The following GABBR1 variants were observed in gnomAD, a reference collection of about 807,000 sequenced individuals.
The protein encoded by GABBR1 is GABA-B receptor, R1 subunit.
In GABBR1, 35 loss-of-function variants were observed where a neutral mutation model predicts 117.7. That is an observed-to-expected ratio of 0.30 (90% CI 0.23 to 0.39). GABBR1 has a LOEUF of 0.39. Ranked by LOEUF, GABBR1 falls within the 10% of genes least tolerant of loss-of-function variation. The pLI, the probability that GABBR1 is intolerant of heterozygous loss-of-function variation, is 1.00. For missense variants in GABBR1, 709 were observed against 1,241.8 expected, an observed-to-expected ratio of 0.57 and a Z score of 6.45; for synonymous variants, 442 against 486.6, an observed-to-expected ratio of 0.91 and a Z score of 1.21.
Position 29,623,855 on chromosome 6 carries a change from T to G in GABBR1, c.792+35A>C. ...CCCTTCAGTAGAGCTCAAAAGGGAA[T>G]GACCCCATCTTCTGACCCCCATAGC... On this transcript the variant is annotated intron_variant, in intron 7 of 22. Transcript: ENST00000377034. This position sits in a 1 kb window ranked among gnomAD's most constrained non-coding sequence, Gnocchi z 6.2. 16 of 1,603,254 alleles carry G rather than the reference T, an allele frequency of 1.0e-5. No individual in the cohort carries two copies. The highest frequency in any genetic ancestry group is 1.3e-5 in the African/African-American group (1 of 74,736).
In GABBR1 at chr6:29,630,559, G is replaced by A. The variant is rs761157418; in HGVS notation, c.374C>T (p.Ala125Val). 1.2e-6 allele frequency: 2 copies of A among 1,613,090 alleles called. No homozygotes were observed. Among genetic ancestry groups the A allele is most frequent in the Non-Finnish European group, 1.7e-6 (2 of 1,180,028 alleles). ...GGGGTCACACCGGAAATCCACCCGG[G>A]CTCCGTCCAGAGCTGGGAGGTCCCC... ...TGGDLPALDG[A>V]RVDFRCDPDF... Residue 125 changes from alanine to valine, a missense_variant, in exon 4 of 23, where the codon GCC (alanine) becomes GTC (valine). Ala to Val is a moderately conservative substitution (Grantham distance 64). Around this residue, in one of 9 missense-constraint regions of GABBR1, gnomAD observed 101 missense variants for 132.3 expected, o/e 0.76. Transcript: ENST00000377034. The surrounding 1 kb of genome is among the most constrained non-coding windows in gnomAD (Gnocchi z 4.9).
chr6:29,603,565 C>A lies in GABBR1; in HGVS notation c.2864G>T (p.Arg955Leu), dbSNP rs141207827. 2 of 1,587,048 alleles carry A rather than the reference C, an allele frequency of 1.3e-6. No homozygotes were observed. The highest frequency in any genetic ancestry group is 1.7e-6 in the Non-Finnish European group (2 of 1,167,150). Residue 955 changes from arginine to leucine, a missense_variant, in exon 23 of 23, where the codon CGA (arginine) becomes CTA (leucine). By Grantham distance (102) the Arg-to-Leu change is moderately radical (BLOSUM62 -2). Transcript: ENST00000377034. ...PPDRLSCDGS[R>L]VHLLYK is the part of the protein sequence containing the mutation. ...CCCTCACTTATAAAGCAAATGCACT[C>A]GACTCCCATCACAGCTAAGCCGGTC...
In GABBR1 at chr6:29,630,469, G is replaced by A; in HGVS notation, c.464C>T (p.Pro155Leu). The change falls in exon 4 of 23, where the codon CCC (proline) becomes CTC (leucine). Residue 155 changes from proline (P) to leucine (L), a missense_variant. By Grantham distance (98) the Pro-to-Leu change is moderately conservative. Transcript: ENST00000377034. The surrounding 1 kb of genome is among the most constrained non-coding windows in gnomAD (Gnocchi z 4.9). Reference protein sequence around the residue: ...CSQGQWSTPKPHCQVNRTPHS... With the variant: ...CSQGQWSTPKLHCQVNRTPHS... Reference sequence around the variant, plus strand: ...GCTGTTCCCCTCACCCTGGCAGTGGGGCTTGGGGGTGCTCCACTGGCCCTG... The same window carrying A: ...GCTGTTCCCCTCACCCTGGCAGTGGAGCTTGGGGGTGCTCCACTGGCCCTG... 1.2e-6 allele frequency: 2 copies of A among 1,612,324 alleles called. No homozygotes were observed. The highest frequency in any genetic ancestry group is 1.7e-6 in the Non-Finnish European group (2 of 1,179,454).
chr6:29,624,107 A>C, intron 6 of GABBR1, 83 bp from the exon 7 acceptor site: 1 of 1,309,552 alleles, frequency 7.6e-7, no homozygotes, highest in Non-Finnish European at 1.0e-6. Context: ...TTCTCGAACA[A>C]ATTAGTTCCT....
Position 29,621,718 on chromosome 6 carries a change from C to G in GABBR1, c.1131+34G>C, listed in dbSNP as rs570659894. The G allele has an allele frequency of 6.3e-7, 1 of 1,595,892 alleles. No homozygotes were observed. The highest frequency in any genetic ancestry group is 8.6e-7 in the Non-Finnish European group (1 of 1,163,430). On this transcript the variant is annotated intron_variant, in intron 10 of 22. Transcript: ENST00000377034. This position sits in a 1 kb window ranked among gnomAD's most constrained non-coding sequence, Gnocchi z 5.0. ...ACAAGAAAACCAAGGGAAACTCCCA[C>G]CCAGTGCCCCTCCCTCTTCAGATCC... is the stretch of plus-strand genomic sequence containing the variant.
Position 29,621,081 on chromosome 6 carries a change from G to A in GABBR1, c.1323+20C>T. The A allele has an allele frequency of 1.2e-6, 2 of 1,605,204 alleles. No individual in the cohort carries two copies. Among genetic ancestry groups the A allele is most frequent in the Non-Finnish European group, 1.7e-6 (2 of 1,176,172 alleles). On this transcript the variant is annotated intron_variant, in intron 11 of 22. Transcript: ENST00000377034. The surrounding 1 kb of genome is among the most constrained non-coding windows in gnomAD (Gnocchi z 5.0). ...TCTCCACCCTCCCAGGTGCCAGACT[G>A]CAAGTCCCCACACTCTCACCATGTT...
chr6:29,613,608 T>C lies in GABBR1; in HGVS notation c.1324-123A>G, dbSNP rs1300221834. 27 of 1,234,504 alleles carry C rather than the reference T, an allele frequency of 2.2e-5. No individual in the cohort carries two copies. The highest frequency in any genetic ancestry group is 1.7e-4 in the South Asian group (12 of 70,382). 76.5% of individuals were successfully genotyped at this position (1,234,504 alleles called of 1,614,324 possible). On this transcript the variant is annotated intron_variant, in intron 11 of 22. Coordinates refer to ENST00000377034, the MANE Select transcript of GABBR1 (RefSeq NM_001470.4). The surrounding 1 kb of genome is among the most constrained non-coding windows in gnomAD (Gnocchi z 4.1). ...GATGGTTTGTGTTACTGTTGTCAGATTGGACACATGTACATTCAAAATCTT... is the reference window on the plus strand; with the variant it reads ...GATGGTTTGTGTTACTGTTGTCAGACTGGACACATGTACATTCAAAATCTT...
In GABBR1 at chr6:29,603,383, A is replaced by G. The variant is rs756755684; in HGVS notation, c.*160T>C. On this transcript the variant is annotated 3_prime_UTR_variant, in exon 23 of 23. Transcript: ENST00000377034. ...GTTTCCCAGAGGTATGAGAGACCCA[A>G]ATCAGCCCAGAACTCACAGGGGGAC... 1.4e-6 allele frequency: 1 copy of G among 738,060 alleles called. No individual in the cohort carries two copies. The highest frequency in any genetic ancestry group is 2.5e-6 in the Non-Finnish European group (1 of 408,124). 45.7% of individuals were successfully genotyped at this position (738,060 alleles called of 1,614,324 possible). A position where few individuals can be genotyped will look rare whatever the true frequency, so the allele number is the denominator to read the frequency against.
intron 13 of GABBR1, 26 bp downstream of exon 13, chr6:29,612,525 C>T (rs754693439): frequency 6.8e-6 from 11 of 1,608,676 alleles, no homozygotes; most frequent in East Asian, 6.7e-5. Context: ...CCCCCATGTC[C>T]GGTCCCCTCC....
chr6:29,608,569 T>A, intron 16 of GABBR1, 32 bp downstream of exon 16: 2 of 1,607,180 alleles, frequency 1.2e-6, no homozygotes, highest in Non-Finnish European at 1.7e-6. Context: ...GAGAGTCACA[T>A]CCTGTAAGGA....
At chr6:29,608,821 A>AT in intron 15 of GABBR1, 88 bp from the exon 16 acceptor site, 1 of 1,430,702 alleles carries the variant, frequency 7.0e-7, no homozygotes, top group Non-Finnish European at 9.6e-7. Context: ...ACGCAATGGC[A>AT]TGACCCTAAT....
rs28751302 is a variant in GABBR1, at chr6:29,615,609, T to TAAAA, written c.1324-2128_1324-2125dup. Among the ~76,000 whole-genome samples, 210 of 121,402 alleles carry TAAAA rather than the reference T, an allele frequency of 1.7e-3. 2 individuals carry two copies. The highest frequency in any genetic ancestry group is 4.1e-3 in the Admixed American group (47 of 11,588). 79.6% of individuals were successfully genotyped at this position (121,402 alleles called of 152,430 possible). ...GGGCGATGGAGTGAGACTCTGCCTT[T>TAAAA]AAAAAAAAAAAAAAAAAAAGGCAGC... On this transcript the variant is annotated intron_variant, in intron 11 of 22. Coordinates refer to ENST00000377034, the MANE Select transcript of GABBR1 (RefSeq NM_001470.4).
chr6:29,623,764 G>A lies in GABBR1; in HGVS notation c.792+126C>T. ...AGGCTGCCTAGCTCAGGTCTGCAGA[G>A]GACTCTGAATCTTAGTAGCAGGTCC... On this transcript the variant is annotated intron_variant, in intron 7 of 22. Coordinates refer to ENST00000377034, the MANE Select transcript of GABBR1 (RefSeq NM_001470.4). This position sits in a 1 kb window ranked among gnomAD's most constrained non-coding sequence, Gnocchi z 6.2. 1 of 1,164,412 alleles carries A rather than the reference G, an allele frequency of 8.6e-7. No homozygotes were observed. Among genetic ancestry groups the A allele is most frequent in the South Asian group, 1.6e-5 (1 of 63,262 alleles). 72.1% of individuals were successfully genotyped at this position (1,164,412 alleles called of 1,614,324 possible).
In GABBR1 at chr6:29,621,753, T is replaced by C. The variant is rs1468736908; in HGVS notation, c.1130A>G (p.Glu377Gly). 1 of 1,612,934 alleles carries C rather than the reference T, an allele frequency of 6.2e-7. No individual in the cohort carries two copies. The highest frequency in any genetic ancestry group is 1.7e-5 in the Admixed American group (1 of 60,004). ...YETEARKVFC[E>G]VYKERLFGKK... ...CTCCCTCTTCAGATCCAACTCCACC[T>C]CACAAAAAACTTTCCGGGCTTCAGT... Residue 377 changes from glutamate to glycine, a missense_variant and splice_region_variant, in exon 10 of 23, where the codon GAG (glutamate) becomes GGG (glycine). Coordinates refer to ENST00000377034, the MANE Select transcript of GABBR1 (RefSeq NM_001470.4). The surrounding 1 kb of genome is among the most constrained non-coding windows in gnomAD (Gnocchi z 5.0).
chr6:29,630,533 C>T lies in GABBR1; in HGVS notation c.400G>A (p.Asp134Asn), dbSNP rs777523377. The T allele has an allele frequency of 1.6e-5, 26 of 1,612,976 alleles. No individual in the cohort carries two copies. Among genetic ancestry groups the T allele is most frequent in the Admixed American group, 1.3e-4 (8 of 60,014 alleles). Residue 134 changes from aspartate (D) to asparagine (N), a missense_variant, in exon 4 of 23, where the codon GAC becomes AAC. Asp to Asn is a conservative substitution (Grantham distance 23). Around this residue, in one of 9 missense-constraint regions of GABBR1, gnomAD observed 101 missense variants for 132.3 expected, o/e 0.76. Coordinates refer to ENST00000377034, the MANE Select transcript of GABBR1 (RefSeq NM_001470.4). This position sits in a 1 kb window ranked among gnomAD's most constrained non-coding sequence, Gnocchi z 4.9. ...GARVDFRCDP[D>N]FHLVGSSRSI... Reference sequence around the variant, plus strand: ...CGGGAGCTGCCCACCAGATGGAAGTCGGGGTCACACCGGAAATCCACCCGG... The same window carrying T: ...CGGGAGCTGCCCACCAGATGGAAGTTGGGGTCACACCGGAAATCCACCCGG...
At chr6:29,612,490 G>T in intron 13 of GABBR1, 61 bp downstream of exon 13, 1 of 1,441,268 alleles carries the variant, frequency 6.9e-7, no homozygotes, top group Non-Finnish European at 9.7e-7. Flanking sequence ...TCCCCAGGGG[G>T]CATCCCAGCC....
In GABBR1 at chr6:29,623,355, C is replaced by A; in HGVS notation, c.913G>T (p.Gly305Cys). ...TGGATGGTAGCAATCTTCTTCCAGC[C>A]CCACTTTTCAAAGAGTTTCACGCGG... ...PTRVKLFEKW[G>C]WKKIATIQQT... The change falls in exon 8 of 23, where the codon GGC (glycine) becomes TGC (cysteine). Residue 305 changes from glycine (G) to cysteine (C), a missense_variant. This residue lies in a region of GABBR1 where 192 missense variants were observed against 418.4 expected (regional missense o/e 0.46). Coordinates refer to ENST00000377034, the MANE Select transcript of GABBR1 (RefSeq NM_001470.4). The surrounding 1 kb of genome is among the most constrained non-coding windows in gnomAD (Gnocchi z 6.2). 6.2e-7 allele frequency: 1 copy of A among 1,614,126 alleles called. No individual in the cohort carries two copies. Among genetic ancestry groups the A allele is most frequent in the Non-Finnish European group, 8.5e-7 (1 of 1,180,032 alleles).
At position 29,621,849 on chromosome 6, in the gene GABBR1, A is replaced by C. The variant is rs1243070749; in HGVS notation, c.1066-32T>G. On this transcript the variant is annotated intron_variant, in intron 9 of 22. Coordinates refer to ENST00000377034, the MANE Select transcript of GABBR1 (RefSeq NM_001470.4). This position sits in a 1 kb window ranked among gnomAD's most constrained non-coding sequence, Gnocchi z 5.0. ...CAGAGAAAGAAACAGCTCCTGAGGG[A>C]TGCCCGGGAATGCCTGAGGGGCTAA... 8.7e-6 allele frequency: 14 copies of C among 1,606,176 alleles called. No homozygotes were observed. Among genetic ancestry groups the C allele is most frequent in the Non-Finnish European group, 1.2e-5 (14 of 1,173,078 alleles).
chr6:29,605,442 A>G lies in GABBR1; in HGVS notation c.2439+127T>C. On this transcript the variant is annotated intron_variant, in intron 20 of 22. Coordinates refer to ENST00000377034, the MANE Select transcript of GABBR1 (RefSeq NM_001470.4). The surrounding 1 kb of genome is among the most constrained non-coding windows in gnomAD (Gnocchi z 4.2). ...ACTGTAAAGTGCTTTATAGACCTGA[A>G]GAATTAACAAACTTTTTAAGACTTC... The G allele has an allele frequency of 8.7e-7, 1 of 1,143,124 alleles. No individual in the cohort carries two copies. Among genetic ancestry groups the G allele is most frequent in the Non-Finnish European group, 1.2e-6 (1 of 800,502 alleles). The allele number at this position is 1,143,124 out of a possible 1,614,324, so 70.8% of individuals were successfully genotyped here.
Sources: allele counts gnomAD v4.1 joint callset (sites outside exome capture counted in the v4.1 genomes callset), GRCh38; gene constraint gnomAD v4.1.1; regional missense constraint gnomAD v4.1.1; non-coding constraint Gnocchi (gnomAD v3.1); transcripts MANE v1.5; gene names NCBI Gene and HGNC (gene_info 2026-07-23, HGNC 2026-07-21).